The following CR2 variants were observed in gnomAD, a reference collection of about 807,000 sequenced individuals.
The protein encoded by CR2 is complement receptor type 2.
CR2 carries 96 observed loss-of-function variants against 123.0 expected under a neutral mutation model. The ratio of observed to expected loss-of-function variants is 0.78; its 90% CI spans 0.66 to 0.93. The LOEUF (loss-of-function observed/expected upper bound fraction) is 0.93, where lower values mean the gene tolerates loss of function less well. Among genes scored for constraint, CR2 ranks in the 40% least tolerant of loss-of-function variants. CR2 has a pLI of 0.00. For synonymous variants in CR2, 484 were observed against 469.5 expected (o/e 1.03, Z -0.40); for missense variants, 1,258 against 1,361.0 (o/e 0.92, Z 1.19).
At position 207,477,974 on chromosome 1, in the gene CR2, C is replaced by G. The variant is rs761718497; in HGVS notation, c.2992C>G (p.Leu998Val). The G allele has an allele frequency of 7.1e-5, 114 of 1,613,898 alleles. No individual in the cohort carries two copies. In the South Asian group the frequency reaches 1.2e-3, roughly 17 times the overall value. The part of the protein sequence containing the change: ...KMYQYGAVVT[L>V]ECEDGYMLEG... ...GTATCAGTATGGAGCTGTTGTAACT[C>G]TGGAGTGTGAAGATGGGTATATGCT... The change falls in exon 16 of 20, where the codon CTG becomes GTG. Residue 998 changes from leucine to valine, a missense_variant. Coordinates refer to ENST00000367057, the MANE Select transcript of CR2 (RefSeq NM_001006658.3).
At chr1:207,479,868 T>A in intron 17 of CR2, 110 bp from the exon 18 acceptor site, 1 of 791,496 alleles carries the variant, frequency 1.3e-6, no homozygotes, top group Non-Finnish European at 2.3e-6. Flanking sequence ...AAGAGTTAAG[T>A]ATGAGTCACA....
chr1:207,472,039 G>C, intron 9 of CR2: 1 of 181,824 alleles, frequency 5.5e-6, no homozygotes, highest in South Asian at 1.2e-4. Context: ...CACAAGGTCA[G>C]GAGATCAAGA....
intron 1 of CR2, 35 bp from the exon 2 acceptor site, chr1:207,466,491 C>T (rs1658100869): frequency 6.2e-7 from 1 of 1,612,486 alleles, no homozygotes; most frequent in South Asian, 1.1e-5. Flanking sequence ...TCACCATGAT[C>T]AGTATGCCTA....
chr1:207,470,071 A>T lies in CR2; in HGVS notation c.1194A>T (p.Thr398=). The T allele has an allele frequency of 6.2e-7, 1 of 1,613,878 alleles. No homozygotes were observed. Among genetic ancestry groups the T allele is most frequent in the South Asian group, 1.1e-5 (1 of 91,084 alleles). The change falls in exon 6 of 20, where the codon ACA becomes ACT. Residue 398 remains threonine (T), a synonymous_variant. Transcript: ENST00000367057. The part of the protein sequence containing the change: ...SKQIRCNAQG[T]WEPSAPVCEK... ...AAATCCGATGCAATGCCCAAGGCAC[A>T]TGGGAGCCATCTGCACCAGTCTGTG... is the stretch of plus-strand genomic sequence containing the variant.
Position 207,468,834 on chromosome 1 carries a change from T to C in CR2, c.669T>C (p.Asn223=), listed in dbSNP as rs1042114463. 10 of 1,613,928 alleles carry C rather than the reference T, an allele frequency of 6.2e-6. No homozygotes were observed. In the African/African-American group the frequency reaches 1.3e-4, roughly 22 times the overall value. ...ARCKSLGRFP[N]GKVKEPPILR... is the part of the protein sequence containing the mutation. ...GTAAATCTCTAGGACGATTTCCCAATGGGAAGGTAAAGGAGCCTCCAATTC... is the reference window on the plus strand; with the variant it reads ...GTAAATCTCTAGGACGATTTCCCAACGGGAAGGTAAAGGAGCCTCCAATTC... The change falls in exon 4 of 20, where the codon AAT becomes AAC. Residue 223 remains asparagine, a synonymous_variant. Transcript: ENST00000367057.
At chr1:207,474,695 A>G (rs1658385268) in intron 13 of CR2, 129 bp from the exon 14 acceptor site, 7 of 1,021,838 alleles carry the variant, frequency 6.9e-6, no homozygotes, top group Non-Finnish European at 1.1e-5. Context: ...CATAATCCAT[A>G]TTCCAAAATT....
intron 1 of CR2, among the ~76,000 whole-genome samples, chr1:207,459,862 T>C (rs1657924337): frequency 6.6e-6 from 1 of 152,190 alleles, no homozygotes. Flanking sequence ...TAATGAGGAT[T>C]GATGTTCCCA....
intron 1 of CR2, among the ~76,000 whole-genome samples, chr1:207,465,828 TG>T (rs1658084306): frequency 6.6e-6 from 1 of 152,246 alleles, no homozygotes; most frequent in Non-Finnish European, 1.5e-5. Flanking sequence ...TCAAAACCTC[TG>T]TTCACTTCCT....
Position 207,476,322 on chromosome 1 carries a change from C to A in CR2, c.2805C>A (p.Ile935=), listed in dbSNP as rs140775138. 4.3e-6 allele frequency: 7 copies of A among 1,613,906 alleles called. No homozygotes were observed. The African/African-American group carries it at 9.3e-5, about 22-fold the overall frequency. ...NIARFSPGMS[I]LYSCDQGYLL... is the part of the protein sequence containing the mutation. ...CTCGATTTTCTCCTGGAATGTCAAT[C>A]CTGTACAGCTGTGACCAAGGCTACC... Residue 935 remains isoleucine, a synonymous_variant, in exon 15 of 20, where the codon ATC becomes ATA. Coordinates refer to ENST00000367057, the MANE Select transcript of CR2 (RefSeq NM_001006658.3).
At chr1:207,488,211 A>G (rs1658799866) in intron 19 of CR2, among the ~76,000 whole-genome samples, 1 of 152,228 alleles carries the variant, frequency 6.6e-6, no homozygotes, top group Non-Finnish European at 1.5e-5. Flanking sequence ...CCAAGATAAT[A>G]TCAAGATGAA....
rs758183899 is a variant in CR2, at chr1:207,471,530, A to C, written c.1570+31A>C. The C allele has an allele frequency of 7.8e-6, 11 of 1,411,856 alleles. No individual in the cohort carries two copies. In the Admixed American group the frequency reaches 1.8e-4, roughly 24 times the overall value. The allele number at this position is 1,411,856 out of a possible 1,614,324, so 87.5% of individuals were successfully genotyped here. A position where few individuals can be genotyped will look rare whatever the true frequency, so the allele number is the denominator to read the frequency against. ...TAGCAAAAATGATATAGGAGCTGAAATAATGTGAGATCTATACATTTCCTG... is the reference window on the plus strand; with the variant it reads ...TAGCAAAAATGATATAGGAGCTGAACTAATGTGAGATCTATACATTTCCTG... On this transcript the variant is annotated intron_variant, in intron 9 of 19. Coordinates refer to ENST00000367057, the MANE Select transcript of CR2 (RefSeq NM_001006658.3).
chr1:207,472,684 G>A (rs907988443), intron 9 of CR2, 88 bp from the exon 10 acceptor site: 35 of 1,398,078 alleles, frequency 2.5e-5, no homozygotes, highest in African/African-American at 1.8e-4. Context: ...GGAAACAACA[G>A]ATTCATAACC....
intron 1 of CR2, among the ~76,000 whole-genome samples, chr1:207,458,647 C>T (rs1657897406): frequency 6.6e-6 from 1 of 152,184 alleles, no homozygotes; most frequent in Admixed American, 6.5e-5. Context: ...TCCTTCTTGT[C>T]CTTCAGTCAC....
Position 207,469,797 on chromosome 1 carries a change from C to T in CR2, c.920C>T (p.Pro307Leu), listed in dbSNP as rs138199106. ...AGCATAGTCACTTACACTTGTGACC[C>T]GGACCCAGAGGAAGGAGTGAACTTC... ...YGSIVTYTCD[P>L]DPEEGVNFIL... Residue 307 changes from proline (P) to leucine (L), a missense_variant, in exon 6 of 20, where the codon CCG becomes CTG. Transcript: ENST00000367057. The T allele has an allele frequency of 1.1e-4, 170 of 1,613,752 alleles. No homozygotes were observed. Among genetic ancestry groups the T allele is most frequent in the Middle Eastern group, 1.6e-4 (1 of 6,078 alleles).
At chr1:207,456,148 C>G (rs1302570997) in intron 1 of CR2, among the ~76,000 whole-genome samples, 1 of 152,158 alleles carries the variant, frequency 6.6e-6, no homozygotes, top group Non-Finnish European at 1.5e-5. Context: ...TGTCTTCAGC[C>G]TTTCTAGCCC....
Position 207,473,100 on chromosome 1 carries a change from A to T in CR2, c.1899A>T (p.Gly633=), listed in dbSNP as rs1268069757. The T allele has an allele frequency of 6.2e-7, 1 of 1,613,986 alleles. No homozygotes were observed. Among genetic ancestry groups the T allele is most frequent in the Non-Finnish European group, 8.5e-7 (1 of 1,179,904 alleles). Residue 633 remains glycine (G), a synonymous_variant, in exon 10 of 20, where the codon GGA becomes GGT. Coordinates refer to ENST00000367057, the MANE Select transcript of CR2 (RefSeq NM_001006658.3). ...CTGTGACATTCAAGTGTTATAGTGG[A>T]TTTACTTTGAAGGGCAGTAGTCAGA... is the stretch of plus-strand genomic sequence containing the variant. ...NDTVTFKCYS[G]FTLKGSSQIR...
intron 1 of CR2, among the ~76,000 whole-genome samples, chr1:207,464,997 C>T (rs1467257802): frequency 1.3e-5 from 2 of 152,164 alleles, no homozygotes. Context: ...ATGGCGTGAT[C>T]TTGGCTCACT....
chr1:207,486,906 T>C (rs969535004), intron 19 of CR2, among the ~76,000 whole-genome samples: 3 of 152,236 alleles, frequency 2.0e-5, no homozygotes, highest in African/African-American at 7.2e-5. Flanking sequence ...GGATGTCTAA[T>C]AGACTTGGCA....
At chr1:207,465,354 G>A (rs935528260) in intron 1 of CR2, among the ~76,000 whole-genome samples, 11 of 152,060 alleles carry the variant, frequency 7.2e-5, no homozygotes, top group Admixed American at 5.2e-4. Flanking sequence ...ATTAAAAGAT[G>A]CTTTTTTAAA....
Sources: allele counts gnomAD v4.1 joint callset (sites outside exome capture counted in the v4.1 genomes callset), GRCh38; gene constraint gnomAD v4.1.1; transcripts MANE v1.5; gene names NCBI Gene and HGNC (gene_info 2026-07-23, HGNC 2026-07-21).